The following NAP1L4 variants were observed in gnomAD, a reference collection of about 807,000 sequenced individuals.
NAP1L4 encodes nucleosome assembly protein 1-like 4.
A neutral mutation model predicts 58.2 loss-of-function variants in NAP1L4; 15 were observed. The observed-to-expected ratio is 0.26, with a 90% CI of 0.17 to 0.40. The LOEUF is 0.40. NAP1L4 is among the 10% of genes least tolerant of loss of function. The pLI is 1.00. For missense variants in NAP1L4, 384 were observed against 451.1 expected, an observed-to-expected ratio of 0.85 and a Z score of 1.35; for synonymous variants, 171 against 155.6, an observed-to-expected ratio of 1.10 and a Z score of -0.74.
At chr11:2,966,555 G>C (rs12276086) in intron 7 of NAP1L4, among the ~76,000 whole-genome samples, 2 of 152,008 alleles carry the variant, frequency 1.3e-5, no homozygotes, top group Admixed American at 1.3e-4. Context: ...CTGATTTTCC[G>C]TTGAGTCCTA....
chr11:2,958,014 G>A (rs1248438333), intron 10 of NAP1L4, among the ~76,000 whole-genome samples: 2 of 152,216 alleles, frequency 1.3e-5, no homozygotes, highest in Admixed American at 6.5e-5. Flanking sequence ...GTGCGAACCA[G>A]ACACAACAGC....
At chr11:2,990,677 C>T (rs1490412560) in intron 1 of NAP1L4, 1 of 156,236 alleles carries the variant, frequency 6.4e-6, no homozygotes, top group Non-Finnish European at 1.4e-5. Flanking sequence ...TTAAAACTGC[C>T]TGGGTCTTTA....
At chr11:2,958,306 G>C (rs1335038552) in intron 10 of NAP1L4, 93 bp downstream of exon 10, 1 of 1,331,282 alleles carries the variant, frequency 7.5e-7, no homozygotes, top group African/African-American at 1.5e-5. Flanking sequence ...CCTGAAAAAA[G>C]AGGACTAAAG....
intron 3 of NAP1L4, among the ~76,000 whole-genome samples, chr11:2,977,324 T>C (rs1020714559): frequency 1.3e-5 from 2 of 152,262 alleles, no homozygotes; most frequent in East Asian, 3.9e-4. Context: ...CTCAGTGTCC[T>C]TGGGCAGGTG....
intron 7 of NAP1L4, among the ~76,000 whole-genome samples, chr11:2,965,850 G>C (rs1267478259): frequency 6.6e-6 from 1 of 152,306 alleles, no homozygotes; most frequent in Non-Finnish European, 1.5e-5. Flanking sequence ...ACTTCTTTAA[G>C]AACACTTACA....
chr11:2,972,369 T>A, intron 4 of NAP1L4, 126 bp from the exon 5 acceptor site: 1 of 748,560 alleles, frequency 1.3e-6, no homozygotes, highest in Non-Finnish European at 1.9e-6. Flanking sequence ...CAAGACCTCT[T>A]AAAAATTAAG....
In NAP1L4 at chr11:2,951,644, G is replaced by T. The variant is rs893028983; in HGVS notation, c.1065+136C>A. The stretch of plus-strand genomic sequence containing the variant: ...TATGCATTTCTGCTTAGTGTTTTAA[G>T]AACATTCTTAGAATCAAAGACAGCG... On this transcript the variant is annotated intron_variant, in intron 13 of 15. Transcript: ENST00000380542. This position sits in a 1 kb window ranked among gnomAD's most constrained non-coding sequence, Gnocchi z 4.0. 6 of 843,208 alleles carry T rather than the reference G, an allele frequency of 7.1e-6. No homozygotes were observed. The highest frequency in any genetic ancestry group is 9.6e-6 in the Non-Finnish European group (5 of 521,386). 52.2% of individuals were successfully genotyped at this position (843,208 alleles called of 1,614,324 possible).
chr11:2,951,772 T>C lies in NAP1L4; in HGVS notation c.1065+8A>G. On this transcript the variant is annotated splice_region_variant and intron_variant, in intron 13 of 15. Transcript: ENST00000380542. This position sits in a 1 kb window ranked among gnomAD's most constrained non-coding sequence, Gnocchi z 4.0. ...AGGTAAGTGGCACTGCATAAACCTG[T>C]CTCTTACCTCCTCTTCTCCTTCTTC... 4 of 1,613,890 alleles carry C rather than the reference T, an allele frequency of 2.5e-6. No individual in the cohort carries two copies. The highest frequency in any genetic ancestry group is 3.4e-6 in the Non-Finnish European group (4 of 1,179,830).
chr11:2,983,215 T>C (rs1215355405), intron 1 of NAP1L4, among the ~76,000 whole-genome samples: 1 of 152,124 alleles, frequency 6.6e-6, no homozygotes, highest in African/African-American at 2.4e-5. Context: ...CCTGGCATAA[T>C]AAATATCTGT....
Position 2,959,702 on chromosome 11 carries a change from C to A in NAP1L4, c.746+68G>T. ...TACTTTATTCCTTACTTCTATCTTA[C>A]CCATCAAGTTACAAAATTATCTTTT... On this transcript the variant is annotated intron_variant, in intron 9 of 15. Transcript: ENST00000380542. The surrounding 1 kb of genome is among the most constrained non-coding windows in gnomAD (Gnocchi z 4.9). The A allele has an allele frequency of 6.4e-7, 1 of 1,570,566 alleles. No homozygotes were observed. The highest frequency in any genetic ancestry group is 1.7e-5 in the Admixed American group (1 of 58,738).
In NAP1L4 at chr11:2,944,830, C is replaced by T. The variant is rs188669896; in HGVS notation, c.*849G>A. The T allele has an allele frequency of 1.3e-5, 2 of 152,376 alleles. No homozygotes were observed. The highest frequency in any genetic ancestry group is 2.1e-4 in the South Asian group (1 of 4,830). 9.4% of individuals were successfully genotyped at this position (152,376 alleles called of 1,614,324 possible). On this transcript the variant is annotated 3_prime_UTR_variant, in exon 16 of 16. Coordinates refer to ENST00000380542, the MANE Select transcript of NAP1L4 (RefSeq NM_005969.4). ...CATGAGGACGGGCTCGCATCTTCAG[C>T]CCTGGTGGCAGGGAGCGGCGTTTCT...
chr11:2,963,133 GAAGAA>G (rs1487074539), intron 8 of NAP1L4, among the ~76,000 whole-genome samples: 5 of 143,900 alleles, frequency 3.5e-5, no homozygotes, highest in South Asian at 2.3e-4. Flanking sequence ...GAAAAAAAAG[GAAGAA>G]AAGAAAAGGA....
chr11:2,961,496 C>T lies in NAP1L4; in HGVS notation c.607-1587G>A, dbSNP rs368188402. Among the ~76,000 whole-genome samples, 53 of 123,836 alleles carry T rather than the reference C, an allele frequency of 4.3e-4. 1 individual carries two copies. The highest frequency in any genetic ancestry group is 1.5e-3 in the African/African-American group (45 of 30,868). The allele number at this position is 123,836 out of a possible 152,430, so 81.2% of individuals were successfully genotyped here. On this transcript the variant is annotated intron_variant, in intron 8 of 15. Transcript: ENST00000380542. ...TGCCTATTTCTCTCCCAACCCTCCA[C>T]GGCTTAAAAAAAAAAAAAAAACCAA...
At chr11:2,947,536 T>C (rs562084365) in intron 15 of NAP1L4, among the ~76,000 whole-genome samples, 3 of 152,316 alleles carry the variant, frequency 2.0e-5, no homozygotes, top group African/African-American at 7.2e-5. Context: ...ACACTGGAGC[T>C]TCTGCAAGTG....
chr11:2,976,644 G>A (rs1175809242), intron 3 of NAP1L4, among the ~76,000 whole-genome samples: 1 of 152,200 alleles, frequency 6.6e-6, no homozygotes, highest in Non-Finnish European at 1.5e-5. Context: ...ACTCGCCTCT[G>A]CCTTGAATGT....
At chr11:2,977,527 G>C (rs946429915) in intron 3 of NAP1L4, among the ~76,000 whole-genome samples, 1 of 152,176 alleles carries the variant, frequency 6.6e-6, no homozygotes, top group Non-Finnish European at 1.5e-5. Context: ...GATGCAAAAG[G>C]TAGGGAGATG....
chr11:2,963,708 G>A, intron 8 of NAP1L4: 2 of 515,336 alleles, frequency 3.9e-6, no homozygotes, highest in South Asian at 2.8e-5. Flanking sequence ...CTGGTGACTG[G>A]CCCCAGGCCC....
intron 1 of NAP1L4, among the ~76,000 whole-genome samples, chr11:2,983,243 TG>T (rs1848433108): frequency 6.6e-6 from 1 of 152,186 alleles, no homozygotes; most frequent in Non-Finnish European, 1.5e-5. Context: ...ATAAACCACC[TG>T]TGTTAGGACA....
In NAP1L4 at chr11:2,968,993, T is replaced by TTG. The variant is rs1357365029; in HGVS notation, c.534+809_534+810insCA. Among the ~76,000 whole-genome samples, 138 of 63,618 alleles carry TTG rather than the reference T, an allele frequency of 2.2e-3. 2 individuals carry two copies. The highest frequency in any genetic ancestry group is 0.015 in the South Asian group (19 of 1,266). The allele number at this position is 63,618 out of a possible 152,430, so 41.7% of individuals were successfully genotyped here. On this transcript the variant is annotated intron_variant, in intron 7 of 15. Transcript: ENST00000380542. ...TTGGGTTTTGTTGTTGTGTTGTTTT[T>TTG]TTTTTTTTTTTTTTTTGGAGACAGG...
Sources: gnomAD v4.1 joint callset for allele counts (sites outside exome capture counted in the v4.1 genomes callset) on GRCh38, gnomAD v4.1.1 for gene constraint, Gnocchi (gnomAD v3.1) non-coding constraint, MANE v1.5 for transcripts, NCBI Gene and HGNC (gene_info 2026-07-23, HGNC 2026-07-21) for gene names.